GABBR2: variants seen among roughly 807,000 people sequenced by gnomAD.
The protein encoded by GABBR2 is gamma-aminobutyric acid type B receptor subunit 2.
In GABBR2, 23 loss-of-function variants were observed where a neutral mutation model predicts 105.6. The ratio of observed to expected loss-of-function variants is 0.22; its 90% CI spans 0.16 to 0.31. The LOEUF is 0.31. Ranked by LOEUF, GABBR2 falls within the 10% of genes least tolerant of loss-of-function variation. The pLI is 1.00. For missense variants in GABBR2, 734 were observed against 1,245.5 expected (o/e 0.59, Z 6.18); for synonymous variants, 478 against 499.7 (o/e 0.96, Z 0.58).
chr9:98,505,830 C>T (rs992143774), intron 3 of GABBR2, among the ~76,000 whole-genome samples: 9 of 152,184 alleles, frequency 5.9e-5, no homozygotes, highest in Non-Finnish European at 1.3e-4. Flanking sequence ...GGCAAGCCTG[C>T]TGACACCTTC....
rs1554712257 is a variant in GABBR2, at chr9:98,501,127, C to CG, written c.631-4614_631-4613insC. Among the ~76,000 whole-genome samples the CG allele has an allele frequency of 1.3e-4, 5 of 37,696 alleles. No individual in the cohort carries two copies. The East Asian group carries it at 1.8e-3, about 14-fold the overall frequency. 24.7% of individuals were successfully genotyped at this position (37,696 alleles called of 152,430 possible). On this transcript the variant is annotated intron_variant, in intron 3 of 18. Coordinates refer to ENST00000259455, the MANE Select transcript of GABBR2 (RefSeq NM_005458.8). ...GGTGATTAAGACTAGGAACCACTGC[C>CG]CCCCCCCCTTCCCCGCCCCCTGCTC...
chr9:98,657,838 G>A (rs1158418462), intron 1 of GABBR2, among the ~76,000 whole-genome samples: 1 of 152,234 alleles, frequency 6.6e-6, no homozygotes, highest in Non-Finnish European at 1.5e-5. Flanking sequence ...CATTTCCCCT[G>A]CTTGTTCTCT....
rs34694230 is a variant in GABBR2 at position 98,653,719 on chromosome 9, GCACA to G, written c.321+54694_321+54697del. Among the ~76,000 whole-genome samples, 149 of 149,946 alleles carry G rather than the reference GCACA, an allele frequency of 9.9e-4. 1 individual carries two copies. The East Asian group carries it at 0.015, about 15-fold the overall frequency. On this transcript the variant is annotated intron_variant, in intron 1 of 18. Coordinates refer to ENST00000259455, the MANE Select transcript of GABBR2 (RefSeq NM_005458.8). ...TAAAAGGACTTCCCTGAGGTTTTCA[GCACA>G]CACACACACACACACACACATATGC...
In GABBR2 at chr9:98,327,906, T is replaced by C. The variant is rs115395148; in HGVS notation, c.1894-16701A>G. ...AAAATAAAATAAAACTGCAGAACTT[T>C]CCAGAGCCTTTAACCTGCTAAAAGT... On this transcript the variant is annotated intron_variant, in intron 13 of 18. Transcript: ENST00000259455. 7.0e-3 allele frequency among the ~76,000 whole-genome samples: 1,053 copies of C among 151,138 alleles called. 15 individuals carry two copies. Among genetic ancestry groups the C allele is most frequent in the African/African-American group, 0.024 (984 of 41,150 alleles).
intron 1 of GABBR2, among the ~76,000 whole-genome samples, chr9:98,639,365 T>G (rs923234499): frequency 1.3e-5 from 2 of 152,194 alleles, no homozygotes; most frequent in African/African-American, 4.8e-5. Context: ...GTCACCACCT[T>G]GCATGTTTGG....
At chr9:98,616,323 C>T (rs1829581801) in intron 1 of GABBR2, among the ~76,000 whole-genome samples, 1 of 152,244 alleles carries the variant, frequency 6.6e-6, no homozygotes, top group South Asian at 2.1e-4. Flanking sequence ...ATCAACCCTA[C>T]ACTTGTTCCT....
At chr9:98,333,756 C>T (rs7863839) in intron 13 of GABBR2, among the ~76,000 whole-genome samples, 4,217 of 152,276 alleles carry the variant, frequency 0.028, 185 homozygotes, top group African/African-American at 0.092. Context: ...CAGCCCAGTA[C>T]ACTAACCTAA....
At chr9:98,638,697 C>T (rs1301752272) in intron 1 of GABBR2, among the ~76,000 whole-genome samples, 2 of 152,096 alleles carry the variant, frequency 1.3e-5, no homozygotes, top group Non-Finnish European at 2.9e-5. Context: ...CCCAGGCCTC[C>T]ACAAACAAGT....
intron 4 of GABBR2, among the ~76,000 whole-genome samples, chr9:98,489,370 C>T (rs986161617): frequency 2.6e-5 from 4 of 152,178 alleles, no homozygotes; most frequent in African/African-American, 4.8e-5. Context: ...GCTGGCACAG[C>T]GCTGACGCAG....
intron 1 of GABBR2, among the ~76,000 whole-genome samples, chr9:98,591,602 T>C (rs1420033972): frequency 6.6e-6 from 1 of 152,174 alleles, no homozygotes; most frequent in East Asian, 1.9e-4. Context: ...GGCAAGCAAC[T>C]TGGCCTAGCA....
chr9:98,520,553 C>T (rs946499417), intron 3 of GABBR2, among the ~76,000 whole-genome samples: 1 of 152,228 alleles, frequency 6.6e-6, no homozygotes, highest in African/African-American at 2.4e-5. Flanking sequence ...GGAGCCTCTG[C>T]AACCCCCTCC....
intron 7 of GABBR2, among the ~76,000 whole-genome samples, chr9:98,437,473 CCATT>C (rs1376342816): frequency 1.3e-5 from 2 of 151,198 alleles, no homozygotes; most frequent in African/African-American, 4.9e-5. Flanking sequence ...ATCTATCCAT[CCATT>C]CATCTATATC....
intron 1 of GABBR2, among the ~76,000 whole-genome samples, chr9:98,653,353 G>A (rs1312426462): frequency 5.3e-5 from 8 of 152,236 alleles, no homozygotes; most frequent in Admixed American, 2.0e-4. Flanking sequence ...TACAGACAAC[G>A]GGATCCTTTC....
chr9:98,616,033 C>A (rs1021972485), intron 1 of GABBR2, among the ~76,000 whole-genome samples: 1 of 152,170 alleles, frequency 6.6e-6, no homozygotes, highest in Non-Finnish European at 1.5e-5. Context: ...GTGTCTGACA[C>A]GTAGAAAGCT....
At chr9:98,568,970 A>G (rs17778184) in intron 2 of GABBR2, among the ~76,000 whole-genome samples, 18,488 of 151,926 alleles carry the variant, frequency 0.12, 1,481 homozygotes, top group Non-Finnish European at 0.18. Context: ...TGCTTGGCCC[A>G]TAGTGCATGC....
At chr9:98,433,177 C>T (rs1260096400) in intron 7 of GABBR2, among the ~76,000 whole-genome samples, 1 of 152,206 alleles carries the variant, frequency 6.6e-6, no homozygotes, top group Admixed American at 6.5e-5. Context: ...TAAAGCATTG[C>T]AGAGCTGCAT....
At chr9:98,516,074 G>C (rs1365343889) in intron 3 of GABBR2, 1 of 152,500 alleles carries the variant, frequency 6.6e-6, no homozygotes, top group Non-Finnish European at 1.5e-5. Context: ...GCAGGCCCTG[G>C]GGAGTTGAGA....
chr9:98,681,287 T>C (rs1347806069), intron 1 of GABBR2, among the ~76,000 whole-genome samples: 1 of 98,994 alleles, frequency 1.0e-5, no homozygotes, highest in Non-Finnish European at 2.1e-5. Flanking sequence ...TTCATGTCCT[T>C]TGTAGGGACA....
At chr9:98,607,536 A>G (rs1829445821) in intron 1 of GABBR2, 1 of 619,196 alleles carries the variant, frequency 1.6e-6, no homozygotes, top group African/African-American at 1.9e-5. Context: ...AACTTGTTAA[A>G]AAGATAAAGG....
Sources: allele counts gnomAD v4.1 joint callset (sites outside exome capture counted in the v4.1 genomes callset), GRCh38; gene constraint gnomAD v4.1.1; transcripts MANE v1.5; gene names NCBI Gene and HGNC (gene_info 2026-07-23, HGNC 2026-07-21).